RASA3: variants seen among roughly 807,000 people sequenced by gnomAD.
The protein encoded by RASA3 is ras GTPase-activating protein 3.
RASA3 carries 73 observed loss-of-function variants against 110.0 expected under a neutral mutation model. The ratio of observed to expected loss-of-function variants is 0.66; its 90% CI spans 0.55 to 0.81. The LOEUF is 0.81. RASA3 is among the 30% of genes least tolerant of loss of function. The pLI, the probability that RASA3 is intolerant of heterozygous loss-of-function variation, is 0.00. For synonymous variants in RASA3, 500 were observed against 451.4 expected, an observed-to-expected ratio of 1.11 and a Z score of -1.37; for missense variants, 976 against 1,113.2, an observed-to-expected ratio of 0.88 and a Z score of 1.75.
chr13:114,035,539 A>C (rs2054263549), intron 4 of RASA3: 1 of 152,384 alleles, frequency 6.6e-6, no homozygotes, highest in Non-Finnish European at 1.5e-5. Flanking sequence ...AAAAGCAGCC[A>C]ATGGTCCCTA....
chr13:114,116,530 T>C (rs2080277785), intron 1 of RASA3, among the ~76,000 whole-genome samples: 1 of 114,586 alleles, frequency 8.7e-6, no homozygotes, highest in Admixed American at 8.6e-5. Flanking sequence ...CACGAACCCT[T>C]AGAAGAGGCA....
chr13:114,071,534 T>G (rs1357882995), intron 2 of RASA3, among the ~76,000 whole-genome samples: 1 of 152,192 alleles, frequency 6.6e-6, no homozygotes, highest in Admixed American at 6.5e-5. Flanking sequence ...CAAAGGCACT[T>G]CTGAAGGGCT....
At chr13:114,111,958 T>C (rs2139765359) in intron 1 of RASA3, among the ~76,000 whole-genome samples, 1 of 152,262 alleles carries the variant, frequency 6.6e-6, no homozygotes, top group Non-Finnish European at 1.5e-5. Flanking sequence ...AGGCACAGAC[T>C]TCACCCTATC....
intron 3 of RASA3, among the ~76,000 whole-genome samples, chr13:114,042,726 G>C (rs1036392155): frequency 6.6e-6 from 1 of 152,196 alleles, no homozygotes; most frequent in Non-Finnish European, 1.5e-5. Flanking sequence ...AAAAACTTCC[G>C]CAGGCTCCCA....
rs551714545 is a variant in RASA3 at position 114,078,468 on chromosome 13, T to A, written c.56-4631A>T. Reference sequence around the variant, plus strand: ...AACTGGTTTCATCCTAACAGCCAAATAAGTAACAGTTCTCATGACCACTTT... The same window carrying A: ...AACTGGTTTCATCCTAACAGCCAAAAAAGTAACAGTTCTCATGACCACTTT... On this transcript the variant is annotated intron_variant, in intron 1 of 23. Transcript: ENST00000334062. Among the ~76,000 whole-genome samples, 119 of 152,280 alleles carry A rather than the reference T, an allele frequency of 7.8e-4. 2 individuals carry two copies. The highest frequency in any genetic ancestry group is 1.4e-3 in the Non-Finnish European group (96 of 68,008).
chr13:114,110,552 C>T (rs1367681562), intron 1 of RASA3, among the ~76,000 whole-genome samples: 2 of 152,230 alleles, frequency 1.3e-5, no homozygotes, highest in Non-Finnish European at 1.5e-5. Flanking sequence ...CCTTACACGG[C>T]TTCTCAGGAA....
At chr13:114,026,269 C>T (rs952710916) in intron 7 of RASA3, among the ~76,000 whole-genome samples, 1 of 152,156 alleles carries the variant, frequency 6.6e-6, no homozygotes, top group African/African-American at 2.4e-5. Context: ...GCAGCCGAGG[C>T]GGGGGGAGCT....
chr13:114,007,756 T>A, intron 17 of RASA3, 150 bp from the exon 18 acceptor site: 1 of 688,900 alleles, frequency 1.5e-6, no homozygotes, highest in Non-Finnish European at 2.6e-6. Flanking sequence ...CCGAGGGCTG[T>A]GGGGCCTCTG....
In RASA3 at chr13:113,996,640, A is replaced by C. The variant is rs1301684285; in HGVS notation, c.2032T>G (p.Cys678Gly). 4.3e-6 allele frequency: 7 copies of C among 1,613,672 alleles called. No individual in the cohort carries two copies. The highest frequency in any genetic ancestry group is 5.9e-6 in the Non-Finnish European group (7 of 1,180,030). ...WIDILTKVSQ[C>G]NQKRLTVYHP... ...TAGACGGTGAGGCGCTTCTGGTTGC[A>C]CTGGCTCACTTTGGTGAGAATGTCG... The change falls in exon 21 of 24, where the codon TGC becomes GGC. Residue 678 changes from cysteine to glycine, a missense_variant. Transcript: ENST00000334062.
At chr13:114,072,203 G>T (rs2079583531) in intron 2 of RASA3, among the ~76,000 whole-genome samples, 2 of 152,134 alleles carry the variant, frequency 1.3e-5, no homozygotes. Context: ...ATGGCTTCCT[G>T]TCCCTGTGCA....
intron 1 of RASA3, among the ~76,000 whole-genome samples, chr13:114,108,337 C>T (rs1283969661): frequency 6.7e-6 from 1 of 149,058 alleles, no homozygotes; most frequent in Non-Finnish European, 1.5e-5. Flanking sequence ...TCTGTCACCC[C>T]ACATCCGTCA....
At chr13:114,001,292 G>T (rs779456220) in intron 18 of RASA3, among the ~76,000 whole-genome samples, 1 of 151,994 alleles carries the variant, frequency 6.6e-6, no homozygotes, top group African/African-American at 2.4e-5. Context: ...GGCAGCGGAC[G>T]CCCACACAAC....
At chr13:114,038,282 G>A (rs1460060729) in intron 4 of RASA3, among the ~76,000 whole-genome samples, 2 of 152,222 alleles carry the variant, frequency 1.3e-5, no homozygotes, top group African/African-American at 4.8e-5. Context: ...ACCAAGCCCC[G>A]TCTCCCGGGC....
In RASA3 at chr13:114,009,430, T is replaced by C; in HGVS notation, c.1625A>G (p.Tyr542Cys). The C allele has an allele frequency of 6.2e-7, 1 of 1,612,514 alleles. No individual in the cohort carries two copies. The highest frequency in any genetic ancestry group is 8.5e-7 in the Non-Finnish European group (1 of 1,179,614). Reference sequence around the variant, plus strand: ...ATATTTCTGCTCATTGAAGAATTCATAAAATGTAGCCATGTAGGACTCCTT... The same window carrying C: ...ATATTTCTGCTCATTGAAGAATTCACAAAATGTAGCCATGTAGGACTCCTT... Reference protein sequence around the residue: ...SFKESYMATFYEFFNEQKYAD... With the variant: ...SFKESYMATFCEFFNEQKYAD... Residue 542 changes from tyrosine to cysteine, a missense_variant, in exon 17 of 24, where the codon TAT (tyrosine) becomes TGT (cysteine). Tyr to Cys is a radical substitution (Grantham distance 194, BLOSUM62 -2). Coordinates refer to ENST00000334062, the MANE Select transcript of RASA3 (RefSeq NM_007368.4).
At chr13:114,106,245 A>G (rs2080134364) in intron 1 of RASA3, among the ~76,000 whole-genome samples, 1 of 152,216 alleles carries the variant, frequency 6.6e-6, no homozygotes, top group Admixed American at 6.5e-5. Context: ...CGCGCACCGT[A>G]TCTCCACGGA....
intron 2 of RASA3, among the ~76,000 whole-genome samples, chr13:114,053,557 G>A (rs1173853755): frequency 6.6e-6 from 1 of 152,246 alleles, no homozygotes; most frequent in Non-Finnish European, 1.5e-5. Flanking sequence ...TCAACGTGCT[G>A]GGCCAGGGGG....
At chr13:113,996,380 C>T (rs2053257089) in intron 21 of RASA3, 151 bp downstream of exon 21, 5 of 796,368 alleles carry the variant, frequency 6.3e-6, no homozygotes, top group Non-Finnish European at 7.8e-6. Flanking sequence ...GAGGACCCCT[C>T]GGGTGGGAGG....
intron 18 of RASA3, 33 bp from the exon 19 acceptor site, chr13:114,000,965 G>T: frequency 1.4e-6 from 2 of 1,415,442 alleles, no homozygotes; most frequent in Non-Finnish European, 2.0e-6. Context: ...CGGGGTCCGG[G>T]CCTCAGCTGC....
intron 21 of RASA3, among the ~76,000 whole-genome samples, chr13:113,992,932 T>G (rs1161176345): frequency 6.6e-6 from 1 of 152,240 alleles, no homozygotes; most frequent in African/African-American, 2.4e-5. Context: ...AACTGACCTT[T>G]CCTGAAATCA....
Sources: allele counts gnomAD v4.1 joint callset (sites outside exome capture counted in the v4.1 genomes callset), GRCh38; gene constraint gnomAD v4.1.1; transcripts MANE v1.5; gene names NCBI Gene and HGNC (gene_info 2026-07-23, HGNC 2026-07-21).